DUSP13A: variants seen among roughly 807,000 people sequenced by gnomAD.
The protein encoded by DUSP13A is dual specificity phosphatase 13A.
chr10:75,106,581 C>T, the DUSP13A span, among the ~76,000 whole-genome samples: 33 of 152,318 alleles, frequency 2.2e-4, 1 homozygote, highest in South Asian at 6.6e-3. Flanking sequence ...GTCCCCCCAC[C>T]TTCCCGATCC....
chr10:75,108,813 C>T, the DUSP13A span, among the ~76,000 whole-genome samples: 1 of 152,194 alleles, frequency 6.6e-6, no homozygotes, highest in Non-Finnish European at 1.5e-5. Flanking sequence ...AGGCGAAGTC[C>T]CTGCTCTCCC....
chr10:75,109,115 C>A, the DUSP13A span: 1 of 1,611,086 alleles, frequency 6.2e-7, no homozygotes, highest in Non-Finnish European at 8.5e-7. Context: ...CAAGGCGTGG[C>A]TTTGTCCTCT....
chr10:75,107,973 C>T, the DUSP13A span: 2 of 1,600,380 alleles, frequency 1.2e-6, no homozygotes, highest in Admixed American at 3.5e-5. Flanking sequence ...GGGATATGGG[C>T]TTGGACCCCA....
At chr10:75,106,958 A>G in the DUSP13A span, among the ~76,000 whole-genome samples, 25 of 152,350 alleles carry the variant, frequency 1.6e-4, no homozygotes, top group South Asian at 5.2e-3. Flanking sequence ...GTCTTCTAGG[A>G]TGGACACAAA....
the DUSP13A span, chr10:75,108,100 T>C: frequency 1.2e-6 from 2 of 1,613,866 alleles, no homozygotes; most frequent in African/African-American, 1.3e-5. Context: ...TAGCTCACAC[T>C]GCTGCCGTAG....
chr10:75,108,912 A>C, the DUSP13A span: 371 of 1,471,804 alleles, frequency 2.5e-4, 1 homozygote, highest in Middle Eastern at 2.2e-3. Context: ...GAGCAGAGCT[A>C]TTTCTCCTTG....
chr10:75,109,139 G>A, the DUSP13A span: 4 of 1,600,646 alleles, frequency 2.5e-6, no homozygotes, highest in East Asian at 4.6e-5. Context: ...CCCAGCTCTG[G>A]GAGAGAGGTC....
At chr10:75,108,013 G>A in the DUSP13A span, 15 of 1,612,978 alleles carry the variant, frequency 9.3e-6, 1 homozygote, top group African/African-American at 8.0e-5. Flanking sequence ...TTGAGGGCAC[G>A]GTGGATGAAG....
the DUSP13A span, chr10:75,108,019 T>C: frequency 3.1e-6 from 5 of 1,613,156 alleles, no homozygotes; most frequent in Non-Finnish European, 4.2e-6. Context: ...GCACGGTGGA[T>C]GAAGTCAGCC....
chr10:75,108,780 T>C, the DUSP13A span, among the ~76,000 whole-genome samples: 1 of 152,164 alleles, frequency 6.6e-6, no homozygotes, highest in Admixed American at 6.5e-5. Context: ...CTGGAACTCC[T>C]GGGAGACTCC....
the DUSP13A span, among the ~76,000 whole-genome samples, chr10:75,107,178 T>TA: frequency 4.6e-5 from 7 of 152,110 alleles, no homozygotes; most frequent in East Asian, 1.4e-3. Context: ...TCTGCTAAAA[T>TA]ACAAAAATTA....
At chr10:75,108,798 C>T in the DUSP13A span, among the ~76,000 whole-genome samples, 1 of 152,176 alleles carries the variant, frequency 6.6e-6, no homozygotes, top group East Asian at 1.9e-4. Context: ...TCCCTGCTTT[C>T]AGGCAGGCGA....
At chr10:75,108,016 G>A in the DUSP13A span, 3 of 1,613,130 alleles carry the variant, frequency 1.9e-6, no homozygotes, top group African/African-American at 1.3e-5. Flanking sequence ...AGGGCACGGT[G>A]GATGAAGTCA....
the DUSP13A span, chr10:75,106,016 C>T: frequency 4.2e-6 from 3 of 710,866 alleles, no homozygotes; most frequent in East Asian, 8.2e-5. Flanking sequence ...ACCTCAGTTT[C>T]CTGATCGGTA....
the DUSP13A span, chr10:75,109,103 G>A: frequency 1.2e-6 from 2 of 1,611,790 alleles, no homozygotes; most frequent in Admixed American, 3.3e-5. Flanking sequence ...AGGATGCTGG[G>A]GCAAGGCGTG....
chr10:75,108,882 TC>T, the DUSP13A span: 1 of 1,267,946 alleles, frequency 7.9e-7, no homozygotes, highest in Non-Finnish European at 1.0e-6. Context: ...CTGGAGAAGG[TC>T]CCTGGCCTGG....
At chr10:75,108,264 A>T in the DUSP13A span, 3 of 1,537,038 alleles carry the variant, frequency 2.0e-6, no homozygotes, top group African/African-American at 1.4e-5. Flanking sequence ...ACCAGGAGGG[A>T]GGCTGTGCCT....
At chr10:75,106,651 G>A in the DUSP13A span, among the ~76,000 whole-genome samples, 1 of 152,174 alleles carries the variant, frequency 6.6e-6, no homozygotes, top group Non-Finnish European at 1.5e-5. Flanking sequence ...CCACTCTTAT[G>A]AGTAGCTCTC....
chr10:75,108,355 C>T, the DUSP13A span: 1 of 1,404,140 alleles, frequency 7.1e-7, no homozygotes, highest in Non-Finnish European at 9.3e-7. Context: ...GGTCTGACTC[C>T]ACAGCCCTAT....
Sources: allele counts gnomAD v4.1 joint callset (sites outside exome capture counted in the v4.1 genomes callset), GRCh38; gene constraint gnomAD v4.1.1; transcripts MANE v1.5; gene names NCBI Gene and HGNC (gene_info 2026-07-23, HGNC 2026-07-21).